The following SENP6 variants were observed in gnomAD, a reference collection of about 807,000 sequenced individuals.
The protein encoded by SENP6 is SUMO specific peptidase 6.
SENP6 carries 41 observed loss-of-function variants against 134.5 expected under a neutral mutation model. The observed-to-expected ratio is 0.30, with a 90% CI of 0.24 to 0.40. SENP6 has a LOEUF of 0.40. Among genes scored for constraint, SENP6 ranks in the 10% least tolerant of loss-of-function variants. The pLI is 1.00. For synonymous variants in SENP6, 395 were observed against 429.8 expected (o/e 0.92, Z 1.00); for missense variants, 1,248 against 1,312.5 (o/e 0.95, Z 0.76).
At chr6:75,659,165 A>G in intron 7 of SENP6, 97 bp from the exon 8 acceptor site, 1 of 848,532 alleles carries the variant, frequency 1.2e-6, no homozygotes, top group Non-Finnish European at 1.8e-6. Context: ...TCCAGGATAT[A>G]ATTATTGGTT....
At chr6:75,712,824 G>A (rs1775827603) in intron 21 of SENP6, among the ~76,000 whole-genome samples, 2 of 152,012 alleles carry the variant, frequency 1.3e-5, no homozygotes, top group Non-Finnish European at 2.9e-5. Context: ...GAGATTTTTG[G>A]TTGGGCGCAG....
At chr6:75,659,514 G>C in intron 8 of SENP6, 107 bp downstream of exon 8, 1 of 1,081,256 alleles carries the variant, frequency 9.2e-7, no homozygotes, top group Non-Finnish European at 1.3e-6. Flanking sequence ...GACCAGAAGA[G>C]ACTTGGAAAA....
intron 8 of SENP6, among the ~76,000 whole-genome samples, chr6:75,662,962 C>T (rs1771896915): frequency 6.6e-6 from 1 of 152,092 alleles, no homozygotes; most frequent in Non-Finnish European, 1.5e-5. Context: ...AAAATTTCTT[C>T]CAGCATTTTG....
chr6:75,647,983 A>G (rs956945927), intron 7 of SENP6, among the ~76,000 whole-genome samples, 182 bp downstream of exon 7: 8 of 152,162 alleles, frequency 5.3e-5, no homozygotes, highest in African/African-American at 1.7e-4. Flanking sequence ...GAACAGTTGC[A>G]CAGTTAGGTG....
intron 6 of SENP6, among the ~76,000 whole-genome samples, chr6:75,642,535 G>A (rs1770107277): frequency 6.6e-6 from 1 of 152,182 alleles, no homozygotes; most frequent in Non-Finnish European, 1.5e-5. Context: ...ACAGAAAAAA[G>A]GGGCCACTAA....
intron 7 of SENP6, among the ~76,000 whole-genome samples, chr6:75,656,202 A>T (rs904458797): frequency 6.7e-5 from 8 of 119,894 alleles, no homozygotes; most frequent in Non-Finnish European, 1.2e-4. Context: ...CGACAGAGCA[A>T]GACTCCGTCT....
In SENP6 at chr6:75,677,173, A is replaced by G. The variant is rs976845125; in HGVS notation, c.1765A>G (p.Asn589Asp). Reference protein sequence around the residue: ...FFAKIPFEEANGRLVACTRTY... With the variant: ...FFAKIPFEEADGRLVACTRTY... Reference sequence around the variant, plus strand: ...TGCGAAAATTCCCTTTGAAGAAGCTAATGGCAGACTTGTTGCCTGTACAAG... The same window carrying G: ...TGCGAAAATTCCCTTTGAAGAAGCTGATGGCAGACTTGTTGCCTGTACAAG... Residue 589 changes from asparagine to aspartate, a missense_variant, in exon 14 of 24, where the codon AAT becomes GAT. By Grantham distance (23) the Asn-to-Asp change is conservative. Around this residue, in one of 3 missense-constraint regions of SENP6, gnomAD observed 733 missense variants for 725.4 expected, o/e 1.01. Transcript: ENST00000447266. 1 of 1,612,674 alleles carries G rather than the reference A, an allele frequency of 6.2e-7. No individual in the cohort carries two copies. The highest frequency in any genetic ancestry group is 8.5e-7 in the Non-Finnish European group (1 of 1,179,224).
chr6:75,629,697 C>T (rs1768964995), intron 3 of SENP6, among the ~76,000 whole-genome samples: 1 of 152,140 alleles, frequency 6.6e-6, no homozygotes, highest in Non-Finnish European at 1.5e-5. Flanking sequence ...ATACATATAT[C>T]TACTTGGATT....
intron 5 of SENP6, among the ~76,000 whole-genome samples, chr6:75,640,019 G>A (rs1204234550): frequency 2.6e-5 from 4 of 152,150 alleles, no homozygotes; most frequent in Admixed American, 1.3e-4. Context: ...AGTTGTTTCT[G>A]AATTTGCTAT....
At chr6:75,620,198 A>G (rs554027573) in intron 1 of SENP6, among the ~76,000 whole-genome samples, 1 of 151,814 alleles carries the variant, frequency 6.6e-6, no homozygotes, top group African/African-American at 2.4e-5. Flanking sequence ...GCATCTTTTC[A>G]TGGGAGGATA....
At chr6:75,639,249 C>T (rs574866310) in intron 5 of SENP6, among the ~76,000 whole-genome samples, 11 of 152,142 alleles carry the variant, frequency 7.2e-5, no homozygotes, top group East Asian at 1.9e-4. Context: ...TATTTTGCTT[C>T]GCTTCTTTAA....
chr6:75,644,329 A>G (rs1269942369), intron 6 of SENP6, among the ~76,000 whole-genome samples: 22 of 152,142 alleles, frequency 1.4e-4, no homozygotes, highest in Non-Finnish European at 2.9e-5. Context: ...GGGACACTCT[A>G]TGAAATACCT....
In SENP6 at chr6:75,618,733, T is replaced by C. The variant is rs72654713; in HGVS notation, c.53-2799T>C. ...GTGAGTTCAGGCTGGTATGTCTGAC[T>C]CTAACCTAGCACCATAGGGTTCATT... On this transcript the variant is annotated intron_variant, in intron 1 of 23. Coordinates refer to ENST00000447266, the MANE Select transcript of SENP6 (RefSeq NM_015571.4). Among the ~76,000 whole-genome samples, 1,614 of 152,342 alleles carry C rather than the reference T, an allele frequency of 0.011. 60 individuals carry two copies. The East Asian group carries it at 0.14, about 13-fold the overall frequency.
chr6:75,602,279 C>T lies in SENP6; in HGVS notation c.-246C>T. 2.6e-6 allele frequency: 1 copy of T among 392,010 alleles called. No homozygotes were observed. The highest frequency in any genetic ancestry group is 4.5e-6 in the Non-Finnish European group (1 of 221,644). 24.3% of individuals were successfully genotyped at this position (392,010 alleles called of 1,614,324 possible). On this transcript the variant is annotated 5_prime_UTR_variant, in exon 1 of 24. Coordinates refer to ENST00000447266, the MANE Select transcript of SENP6 (RefSeq NM_015571.4). ...TCGTCGTCGTCGCCGGTCGCGTTCC[C>T]CCGGAGAGGCCTGAGAAGCTCGGGC...
At chr6:75,704,170 T>C (rs971385376) in intron 19 of SENP6, among the ~76,000 whole-genome samples, 1 of 152,116 alleles carries the variant, frequency 6.6e-6, no homozygotes, top group African/African-American at 2.4e-5. Context: ...AGACAAAGTA[T>C]AGAGAAAGAA....
intron 16 of SENP6, among the ~76,000 whole-genome samples, chr6:75,681,007 C>G (rs1394980293): frequency 2.0e-5 from 3 of 152,188 alleles, no homozygotes; most frequent in African/African-American, 7.2e-5. Flanking sequence ...TACCCAGAAT[C>G]AGGAAGATCT....
intron 16 of SENP6, among the ~76,000 whole-genome samples, chr6:75,685,783 T>C (rs1773796061): frequency 1.3e-5 from 2 of 152,214 alleles, no homozygotes; most frequent in African/African-American, 4.8e-5. Flanking sequence ...TTTCTATTCT[T>C]TTACATTTGC....
chr6:75,611,403 G>A (rs1767439514), intron 1 of SENP6: 1 of 152,248 alleles, frequency 6.6e-6, no homozygotes, highest in Non-Finnish European at 1.5e-5. Context: ...CAGCTCCTCA[G>A]TCTCTTTTGC....
At chr6:75,626,394 A>G (rs1768697369) in intron 3 of SENP6, among the ~76,000 whole-genome samples, 1 of 152,014 alleles carries the variant, frequency 6.6e-6, no homozygotes, top group Admixed American at 6.5e-5. Context: ...AACTATACAC[A>G]CTGTTGACAC....
Sources: allele counts gnomAD v4.1 joint callset (sites outside exome capture counted in the v4.1 genomes callset), GRCh38; gene constraint gnomAD v4.1.1; regional missense constraint gnomAD v4.1.1; transcripts MANE v1.5; gene names NCBI Gene and HGNC (gene_info 2026-07-23, HGNC 2026-07-21).